Variants in GTF2E1 observed in about 807,000 individuals in gnomAD.
GTF2E1 encodes general transcription factor IIE subunit 1, also known as TFIIE alpha subunit.
In GTF2E1, 14 loss-of-function variants were observed where a neutral mutation model predicts 34.9. That is an observed-to-expected ratio of 0.40 (90% CI 0.27 to 0.63). The LOEUF (loss-of-function observed/expected upper bound fraction) is 0.63, where lower values mean the gene tolerates loss of function less well. Among genes scored for constraint, GTF2E1 ranks in the 20% least tolerant of loss-of-function variants. The probability of loss-of-function intolerance (pLI) is 0.39; values close to 1 mark genes in which losing one functional copy is unlikely to be tolerated. For missense variants in GTF2E1, 469 were observed against 557.7 expected (o/e 0.84, Z 1.60); for synonymous variants, 188 against 192.9 (o/e 0.97, Z 0.21).
intron 3 of GTF2E1, 62 bp downstream of exon 3, chr3:120,770,991 C>A: frequency 7.4e-7 from 1 of 1,345,440 alleles, no homozygotes; most frequent in Non-Finnish European, 1.1e-6. Flanking sequence ...TTTTAACTAC[C>A]TGTACCTTGG....
At chr3:120,760,106 T>G (rs781214076) in intron 2 of GTF2E1, among the ~76,000 whole-genome samples, 20 of 152,192 alleles carry the variant, frequency 1.3e-4, no homozygotes, top group Admixed American at 3.3e-4. Context: ...CCTCTTTTAT[T>G]TCGTTGAGCA....
Position 120,770,755 on chromosome 3 carries a change from C to A in GTF2E1, c.476C>A (p.Thr159Lys), listed in dbSNP as rs1398884832. 1.2e-6 allele frequency: 2 copies of A among 1,613,324 alleles called. No individual in the cohort carries two copies. The highest frequency in any genetic ancestry group is 1.3e-5 in the African/African-American group (1 of 74,872). ...ACTTTCCGCTGTACTTTTTGCCATA[C>A]AGAGGTAGAAGAGGATGAATCAGCA... The part of the protein sequence containing the change: ...TGTFRCTFCH[T>K]EVEEDESAMP... The change falls in exon 3 of 5, where the codon ACA (threonine) becomes AAA (lysine). Residue 159 changes from threonine (T) to lysine (K), a missense_variant. Transcript: ENST00000283875.
chr3:120,778,475 C>T (rs1709419557), intron 4 of GTF2E1, among the ~76,000 whole-genome samples: 1 of 152,172 alleles, frequency 6.6e-6, no homozygotes, highest in Non-Finnish European at 1.5e-5. Context: ...CGACTTCAAT[C>T]ATGTTCTCAT....
At chr3:120,746,971 T>TA (rs1709111372) in intron 1 of GTF2E1, among the ~76,000 whole-genome samples, 2 of 152,206 alleles carry the variant, frequency 1.3e-5, no homozygotes, top group Admixed American at 1.3e-4. Context: ...AGGTAGTTGA[T>TA]ACTATCCTTA....
chr3:120,771,047 T>C, intron 3 of GTF2E1, 118 bp downstream of exon 3: 1 of 809,562 alleles, frequency 1.2e-6, no homozygotes, highest in Non-Finnish European at 2.1e-6. Context: ...ACTGTAATGT[T>C]ACGTAGGTTC....
chr3:120,748,650 G>A (rs887265500), intron 1 of GTF2E1, among the ~76,000 whole-genome samples: 3 of 152,198 alleles, frequency 2.0e-5, no homozygotes, highest in Admixed American at 6.5e-5. Flanking sequence ...TTTGGTTACT[G>A]TAGCCTTGTA....
Position 120,744,960 on chromosome 3 carries a change from C to T in GTF2E1, c.-31+2166C>T, listed in dbSNP as rs978675056. Among the ~76,000 whole-genome samples, 7 of 151,858 alleles carry T rather than the reference C, an allele frequency of 4.6e-5. No individual in the cohort carries two copies. In the East Asian group the frequency reaches 5.8e-4, roughly 13 times the overall value. Reference sequence around the variant, plus strand: ...TTTTTTGAGGGTCCTGTCCTGTCACCGAGGCTGGTGTGCAGTGGCTCAATC... The same window carrying T: ...TTTTTTGAGGGTCCTGTCCTGTCACTGAGGCTGGTGTGCAGTGGCTCAATC... On this transcript the variant is annotated intron_variant, in intron 1 of 4. Coordinates refer to ENST00000283875, the MANE Select transcript of GTF2E1 (RefSeq NM_005513.3).
intron 2 of GTF2E1, among the ~76,000 whole-genome samples, chr3:120,757,182 C>T (rs187248835): frequency 2.6e-5 from 4 of 152,158 alleles, no homozygotes; most frequent in African/African-American, 9.6e-5. Context: ...ATCCATGTAC[C>T]ATACTTCAGT....
intron 3 of GTF2E1, among the ~76,000 whole-genome samples, 178 bp from the exon 4 acceptor site, chr3:120,776,245 A>G (rs1384743528): frequency 1.3e-5 from 2 of 152,216 alleles, no homozygotes; most frequent in African/African-American, 4.8e-5. Context: ...TCTAACGCAT[A>G]CAACTTTTAC....
rs138852152 is a variant in GTF2E1, at chr3:120,770,680, A to G, written c.449-48A>G. On this transcript the variant is annotated intron_variant, in intron 2 of 4. Coordinates refer to ENST00000283875, the MANE Select transcript of GTF2E1 (RefSeq NM_005513.3). ...TTGGGGGAGGGTGGAGGTATAAACT[A>G]TCTGCTAAAGTCTTCTCTCTGACCT... 1.6e-3 allele frequency: 2,131 copies of G among 1,348,944 alleles called. 24 individuals carry two copies. The East Asian group carries it at 0.024, about 15-fold the overall frequency. 83.6% of individuals were successfully genotyped at this position (1,348,944 alleles called of 1,614,324 possible). A position where few individuals can be genotyped will look rare whatever the true frequency, so the allele number is the denominator to read the frequency against.
intron 3 of GTF2E1, 81 bp from the exon 4 acceptor site, chr3:120,776,342 T>C: frequency 8.0e-7 from 1 of 1,246,226 alleles, no homozygotes; most frequent in Non-Finnish European, 1.1e-6. Context: ...TTTCAGTAAT[T>C]GCCTCCCTAG....
intron 1 of GTF2E1, among the ~76,000 whole-genome samples, chr3:120,745,162 A>G (rs930863889): frequency 1.3e-5 from 2 of 152,060 alleles, no homozygotes; most frequent in African/African-American, 4.8e-5. Context: ...TTGGCCTCCC[A>G]AAGTGTTGCA....
At chr3:120,744,446 A>G (rs1160800204) in intron 1 of GTF2E1, among the ~76,000 whole-genome samples, 1 of 152,202 alleles carries the variant, frequency 6.6e-6, no homozygotes, top group Non-Finnish European at 1.5e-5. Context: ...TGCTGGGCAT[A>G]TTCAGAGGAA....
In GTF2E1 at chr3:120,770,737, G is replaced by A. The variant is rs751059758; in HGVS notation, c.458G>A (p.Arg153His). ...QLFDPMTGTFRCTFCHTEVEE... is the reference protein window; with the variant it reads ...QLFDPMTGTFHCTFCHTEVEE... ...CTTGTTTTCTCTGTAGGAACTTTCC[G>A]CTGTACTTTTTGCCATACAGAGGTA... Residue 153 changes from arginine to histidine, a missense_variant, in exon 3 of 5, where the codon CGC becomes CAC. Transcript: ENST00000283875. The A allele has an allele frequency of 1.2e-5, 19 of 1,612,488 alleles. No individual in the cohort carries two copies. The Admixed American group carries it at 1.3e-4, about 11-fold the overall frequency.
Position 120,750,820 on chromosome 3 carries a change from A to G in GTF2E1, c.268A>G (p.Asn90Asp). 6.2e-7 allele frequency: 1 copy of G among 1,614,058 alleles called. No individual in the cohort carries two copies. Among genetic ancestry groups the G allele is most frequent in the Non-Finnish European group, 8.5e-7 (1 of 1,179,950 alleles). ...TGCAGACGGGAAAACCACTCGCCAT[A>G]ACTACTACTTCATCAATTATCGTAC... is the stretch of plus-strand genomic sequence containing the variant. ...TAADGKTTRH[N>D]YYFINYRTLV... is the part of the protein sequence containing the mutation. The change falls in exon 2 of 5, where the codon AAC becomes GAC. Residue 90 changes from asparagine to aspartate, a missense_variant. By Grantham distance (23) the Asn-to-Asp change is conservative. Transcript: ENST00000283875.
At chr3:120,744,602 C>T (rs565494952) in intron 1 of GTF2E1, among the ~76,000 whole-genome samples, 4 of 152,276 alleles carry the variant, frequency 2.6e-5, no homozygotes, top group African/African-American at 7.2e-5. Context: ...ATTTTTCCTA[C>T]TCTCATATTC....
intron 1 of GTF2E1, among the ~76,000 whole-genome samples, chr3:120,749,162 A>T (rs904558855): frequency 6.6e-6 from 1 of 152,132 alleles, no homozygotes. Context: ...GGCTGAGACA[A>T]TGGGGTTTTC....
Position 120,750,694 on chromosome 3 carries a change from A to G in GTF2E1, c.142A>G (p.Met48Val). Residue 48 changes from methionine to valine, a missense_variant, in exon 2 of 5, where the codon ATG becomes GTG. Transcript: ENST00000283875. ...GAACTCCTGTGTGAAAGAGGAGGAT[A>G]TGCTGGAGCTGCTCAAGTTTGATCG... ...IRNSCVKEED[M>V]LELLKFDRKQ... The G allele has an allele frequency of 6.2e-7, 1 of 1,614,086 alleles. No individual in the cohort carries two copies. The highest frequency in any genetic ancestry group is 8.5e-7 in the Non-Finnish European group (1 of 1,179,934).
At chr3:120,746,332 T>C (rs1316489952) in intron 1 of GTF2E1, among the ~76,000 whole-genome samples, 1 of 151,740 alleles carries the variant, frequency 6.6e-6, no homozygotes, top group East Asian at 1.9e-4. Flanking sequence ...CTACTAAAAA[T>C]TCAAAAATTA....
Sources: gnomAD v4.1 joint callset for allele counts (sites outside exome capture counted in the v4.1 genomes callset) on GRCh38, gnomAD v4.1.1 for gene constraint, MANE v1.5 for transcripts, NCBI Gene and HGNC (gene_info 2026-07-23, HGNC 2026-07-21) for gene names.